Variants in MSI2 observed in about 807,000 individuals in gnomAD.
MSI2 encodes the protein musashi RNA binding protein 2, also known as RNA-binding protein Musashi homolog 2.
A neutral mutation model predicts 45.6 loss-of-function variants in MSI2; 17 were observed. That is an observed-to-expected ratio of 0.37 (90% CI 0.26 to 0.56). The LOEUF (loss-of-function observed/expected upper bound fraction) is 0.56, where lower values mean the gene tolerates loss of function less well. Among genes scored for constraint, MSI2 ranks in the 20% least tolerant of loss-of-function variants. The pLI is 0.77. For missense variants in MSI2, 293 were observed against 444.2 expected (o/e 0.66, Z 3.06); for synonymous variants, 156 against 158.2 (o/e 0.99, Z 0.11).
chr17:57,507,403 G>A (rs113962095), intron 6 of MSI2, among the ~76,000 whole-genome samples: 197 of 152,154 alleles, frequency 1.3e-3, no homozygotes, highest in African/African-American at 4.5e-3. Flanking sequence ...TTTGCTCTGC[G>A]CAGTTTCAAA....
At chr17:57,468,840 T>C (rs2085380768) in intron 6 of MSI2, among the ~76,000 whole-genome samples, 1 of 152,070 alleles carries the variant, frequency 6.6e-6, no homozygotes, top group South Asian at 2.1e-4. Context: ...GGAGATGCTG[T>C]AGGGGGCCCG....
At chr17:57,550,898 C>T (rs2087288309) in intron 7 of MSI2, among the ~76,000 whole-genome samples, 1 of 152,174 alleles carries the variant, frequency 6.6e-6, no homozygotes, top group South Asian at 2.1e-4. Context: ...TGGCGTCTTC[C>T]ACACCAGCCT....
chr17:57,589,199 C>A (rs1410974095), intron 7 of MSI2, among the ~76,000 whole-genome samples: 1 of 152,150 alleles, frequency 6.6e-6, no homozygotes, highest in Non-Finnish European at 1.5e-5. Context: ...TGAAAACGCC[C>A]AGGAACCTCT....
intron 6 of MSI2, among the ~76,000 whole-genome samples, chr17:57,440,192 GC>G (rs1449145682): frequency 6.6e-6 from 1 of 152,152 alleles, no homozygotes; most frequent in Non-Finnish European, 1.5e-5. Flanking sequence ...AGCGATGGGT[GC>G]CCTGTGCTCT....
chr17:57,497,897 C>T (rs1223296986), intron 6 of MSI2, among the ~76,000 whole-genome samples: 1 of 152,216 alleles, frequency 6.6e-6, no homozygotes, highest in African/African-American at 2.4e-5. Flanking sequence ...AGATATTCTT[C>T]ATACCAAGAG....
chr17:57,400,518 G>A (rs2083969893), intron 5 of MSI2, among the ~76,000 whole-genome samples: 1 of 152,120 alleles, frequency 6.6e-6, no homozygotes, highest in African/African-American at 2.4e-5. Flanking sequence ...AGGATTTGTA[G>A]AGGAGTCAAG....
At chr17:57,538,594 C>T (rs1342366001) in intron 7 of MSI2, among the ~76,000 whole-genome samples, 2 of 152,150 alleles carry the variant, frequency 1.3e-5, no homozygotes, top group African/African-American at 4.8e-5. Context: ...GAGTGCGGGG[C>T]AGCCTGGTTT....
chr17:57,340,233 C>T (rs762532480), intron 5 of MSI2, among the ~76,000 whole-genome samples: 1 of 152,176 alleles, frequency 6.6e-6, no homozygotes, highest in African/African-American at 2.4e-5. Context: ...AGTGATGGGC[C>T]ATTGTGCAAA....
chr17:57,417,958 TAC>T (rs2084326459), intron 6 of MSI2, among the ~76,000 whole-genome samples: 1 of 152,372 alleles, frequency 6.6e-6, no homozygotes, highest in East Asian at 1.9e-4. Flanking sequence ...GTCTAGGAAT[TAC>T]AGAGTCATTG....
intron 5 of MSI2, among the ~76,000 whole-genome samples, chr17:57,353,832 C>A (rs1341486655): frequency 1.3e-5 from 2 of 152,110 alleles, no homozygotes; most frequent in Admixed American, 1.3e-4. Flanking sequence ...TTCCCCCATC[C>A]ATGAGCAGTA....
Position 57,684,272 on chromosome 17 carries a change from G to T in MSI2, c.*4755G>T. 4.9e-6 allele frequency: 1 copy of T among 203,926 alleles called. No homozygotes were observed. Among genetic ancestry groups the T allele is most frequent in the Non-Finnish European group, 1.0e-5 (1 of 99,380 alleles). The allele number at this position is 203,926 out of a possible 1,614,324, so 12.6% of individuals were successfully genotyped here. ...CCGTTCATGGTGTATTGTAAACTCCGAATTCCATATGTAATAGGATGCAAG... is the reference window on the plus strand; with the variant it reads ...CCGTTCATGGTGTATTGTAAACTCCTAATTCCATATGTAATAGGATGCAAG... On this transcript the variant is annotated 3_prime_UTR_variant, in exon 14 of 14. Coordinates refer to ENST00000284073, the MANE Select transcript of MSI2 (RefSeq NM_138962.4).
chr17:57,624,837 G>A (rs1211127627), intron 9 of MSI2, among the ~76,000 whole-genome samples: 1 of 152,136 alleles, frequency 6.6e-6, no homozygotes, highest in African/African-American at 2.4e-5. Context: ...CAGGTGACAA[G>A]ACTAAGCTCC....
At position 57,644,685 on chromosome 17, in the gene MSI2, T is replaced by C. The variant is rs148215720; in HGVS notation, c.728-7414T>C. Reference sequence around the variant, plus strand: ...TTGAACCATCTATAGAAATTGCTGCTGGGGAGATGCAAGCATGCTGGGGAA... The same window carrying C: ...TTGAACCATCTATAGAAATTGCTGCCGGGGAGATGCAAGCATGCTGGGGAA... On this transcript the variant is annotated intron_variant, in intron 10 of 13. Transcript: ENST00000284073. Among the ~76,000 whole-genome samples, 700 of 152,292 alleles carry C rather than the reference T, an allele frequency of 4.6e-3. 8 individuals carry two copies. Among genetic ancestry groups the C allele is most frequent in the Admixed American group, 7.0e-3 (107 of 15,298 alleles).
intron 6 of MSI2, among the ~76,000 whole-genome samples, chr17:57,527,348 G>A (rs1277593379): frequency 1.3e-5 from 2 of 148,694 alleles, no homozygotes; most frequent in African/African-American, 4.9e-5. Flanking sequence ...ATCACCATAT[G>A]CTCGAGTGTG....
chr17:57,698,946 T>G, the MSI2 span, among the ~76,000 whole-genome samples: 2 of 129,914 alleles, frequency 1.5e-5, no homozygotes, highest in Non-Finnish European at 1.6e-5. Flanking sequence ...TGTGTGAAGG[T>G]GAGAAAGGTC....
At chr17:57,540,554 C>T (rs78972297) in intron 7 of MSI2, among the ~76,000 whole-genome samples, 7,351 of 152,206 alleles carry the variant, frequency 0.048, 242 homozygotes, top group Non-Finnish European at 0.072. Flanking sequence ...GAGGTGTAAT[C>T]GGGTTAAGAG....
At chr17:57,695,109 AACCAATG>A in the MSI2 span, among the ~76,000 whole-genome samples, 3 of 152,236 alleles carry the variant, frequency 2.0e-5, no homozygotes, top group African/African-American at 7.2e-5. Flanking sequence ...TGCTTCACTT[AACCAATG>A]AGATAACCAA....
intron 6 of MSI2, among the ~76,000 whole-genome samples, chr17:57,419,024 G>A (rs1051832143): frequency 3.9e-5 from 6 of 152,166 alleles, no homozygotes; most frequent in Admixed American, 2.0e-4. Context: ...TTGTGGTCAC[G>A]TGGGCTGAGG....
chr17:57,505,876 C>T (rs2086217000), intron 6 of MSI2, among the ~76,000 whole-genome samples: 1 of 152,180 alleles, frequency 6.6e-6, no homozygotes, highest in African/African-American at 2.4e-5. Context: ...CAAAGAGAAA[C>T]TTTAATGAGT....
Sources: allele counts gnomAD v4.1 joint callset (sites outside exome capture counted in the v4.1 genomes callset), GRCh38; gene constraint gnomAD v4.1.1; transcripts MANE v1.5; gene names NCBI Gene and HGNC (gene_info 2026-07-23, HGNC 2026-07-21).